The following RALYL variants were observed in gnomAD, a reference collection of about 807,000 sequenced individuals.
RALYL encodes RNA-binding Raly-like protein.
A neutral mutation model predicts 35.1 loss-of-function variants in RALYL; 29 were observed. The ratio of observed to expected loss-of-function variants is 0.83; its 90% confidence interval spans 0.61 to 1.13. The LOEUF is 1.13. Ranked by LOEUF, RALYL falls within the 50% of genes most tolerant of loss-of-function variation. The probability of loss-of-function intolerance (pLI) is 0.00; values close to 1 mark genes in which losing one functional copy is unlikely to be tolerated. For missense variants in RALYL, 359 were observed against 360.4 expected (o/e 1.00, Z 0.03); for synonymous variants, 120 against 127.6 (o/e 0.94, Z 0.40).
intron 2 of RALYL, among the ~76,000 whole-genome samples, chr8:84,573,236 G>A (rs1333538882): frequency 6.6e-6 from 1 of 150,908 alleles, no homozygotes; most frequent in East Asian, 1.9e-4. Flanking sequence ...TTCCTTCTAG[G>A]GTTCTTTTCT....
rs527939787 is a variant in RALYL at position 84,233,535 on chromosome 8, AATT to A, written c.-24+49112_-24+49114del. Among the ~76,000 whole-genome samples, 140 of 152,150 alleles carry A rather than the reference AATT, an allele frequency of 9.2e-4. 1 individual carries two copies. The highest frequency in any genetic ancestry group is 3.1e-3 in the South Asian group (15 of 4,818). ...ACTTGGAATTAATCCTTGCCTTTTA[AATT>A]TGAGATAGCAGAAAGCAAGGACTAG... On this transcript the variant is annotated intron_variant, in intron 1 of 8. Coordinates refer to ENST00000521268, the MANE Select transcript of RALYL (RefSeq NM_173848.7).
chr8:84,510,688 T>C (rs1220251874), intron 1 of RALYL, among the ~76,000 whole-genome samples: 3 of 152,078 alleles, frequency 2.0e-5, no homozygotes, highest in African/African-American at 7.2e-5. Context: ...CACATGCCTG[T>C]AGTCCCAGGT....
intron 1 of RALYL, among the ~76,000 whole-genome samples, chr8:84,418,098 C>T (rs964114040): frequency 8.5e-5 from 13 of 152,202 alleles, no homozygotes; most frequent in African/African-American, 3.1e-4. Context: ...TCTTTATATT[C>T]TGATTTAAGT....
At chr8:84,714,046 A>C (rs897330491) in intron 2 of RALYL, among the ~76,000 whole-genome samples, 57 of 151,514 alleles carry the variant, frequency 3.8e-4, no homozygotes, top group Admixed American at 8.6e-4. Flanking sequence ...ACACACACAC[A>C]CCCCAATGGA....
chr8:84,508,644 A>C (rs192689781), intron 1 of RALYL, among the ~76,000 whole-genome samples: 1 of 152,178 alleles, frequency 6.6e-6, no homozygotes, highest in African/African-American at 2.4e-5. Flanking sequence ...TACTGCACAA[A>C]TTATATACAT....
At chr8:84,658,304 C>T (rs1249612465) in intron 2 of RALYL, among the ~76,000 whole-genome samples, 1 of 152,186 alleles carries the variant, frequency 6.6e-6, no homozygotes, top group East Asian at 1.9e-4. Context: ...AAGTGTGTTT[C>T]TGGCTTCTGG....
At chr8:84,192,906 T>TGGGGGG in intron 1 of RALYL, among the ~76,000 whole-genome samples, 1 of 59,488 alleles carries the variant, frequency 1.7e-5, no homozygotes, top group Non-Finnish European at 3.1e-5. Flanking sequence ...TGTGTGTGTG[T>TGGGGGG]GGGGGGGGGG....
At chr8:84,893,537 T>C (rs1844226673) in intron 8 of RALYL, among the ~76,000 whole-genome samples, 1 of 152,300 alleles carries the variant, frequency 6.6e-6, no homozygotes, top group South Asian at 2.1e-4. Flanking sequence ...CTCAGGTGTA[T>C]GAGAAAAGGC....
At chr8:84,207,960 A>C (rs1334209856) in intron 1 of RALYL, among the ~76,000 whole-genome samples, 1 of 152,134 alleles carries the variant, frequency 6.6e-6, no homozygotes, top group African/African-American at 2.4e-5. Flanking sequence ...TAGAAATTGC[A>C]GTTCGCTCTT....
chr8:84,288,945 A>ATT (rs1838218810), intron 1 of RALYL, among the ~76,000 whole-genome samples: 1 of 152,176 alleles, frequency 6.6e-6, no homozygotes, highest in African/African-American at 2.4e-5. Context: ...TAAAGCTATC[A>ATT]CAATAGGAGA....
At chr8:84,302,171 T>G (rs1320900278) in intron 1 of RALYL, among the ~76,000 whole-genome samples, 1 of 152,162 alleles carries the variant, frequency 6.6e-6, no homozygotes, top group African/African-American at 2.4e-5. Context: ...TTTTCCTCAA[T>G]GTAGGGATTA....
intron 1 of RALYL, among the ~76,000 whole-genome samples, chr8:84,207,331 T>C (rs1818291992): frequency 1.3e-5 from 2 of 151,932 alleles, no homozygotes; most frequent in African/African-American, 2.4e-5. Flanking sequence ...GTATGTTATA[T>C]ATTATGCTGT....
At chr8:84,797,416 G>C (rs1221515282) in intron 3 of RALYL, among the ~76,000 whole-genome samples, 1 of 152,116 alleles carries the variant, frequency 6.6e-6, no homozygotes, top group East Asian at 1.9e-4. Flanking sequence ...CTTATATACT[G>C]TTGTCAAAAT....
At chr8:84,817,475 CA>C (rs1827600331) in intron 4 of RALYL, among the ~76,000 whole-genome samples, 1 of 151,556 alleles carries the variant, frequency 6.6e-6, no homozygotes. Context: ...ATGGCTTTAG[CA>C]ATTTGTTTAA....
chr8:84,589,969 G>A (rs911064406), intron 2 of RALYL, among the ~76,000 whole-genome samples: 2 of 152,186 alleles, frequency 1.3e-5, no homozygotes, highest in Non-Finnish European at 2.9e-5. Flanking sequence ...GAGAAATGAA[G>A]AGGGCATATG....
At chr8:84,864,754 G>T in intron 6 of RALYL, 1 of 598,904 alleles carries the variant, frequency 1.7e-6, no homozygotes, top group Non-Finnish European at 3.2e-6. Flanking sequence ...TGGTTTACAT[G>T]GTAGAAAACA....
chr8:84,210,512 TG>T (rs1426048998), intron 1 of RALYL, among the ~76,000 whole-genome samples: 2 of 151,954 alleles, frequency 1.3e-5, no homozygotes, highest in African/African-American at 4.8e-5. Flanking sequence ...GCTATTGTGA[TG>T]TAATAAATAT....
At chr8:84,226,633 C>T (rs1823945295) in intron 1 of RALYL, among the ~76,000 whole-genome samples, 1 of 152,106 alleles carries the variant, frequency 6.6e-6, no homozygotes, top group Non-Finnish European at 1.5e-5. Flanking sequence ...AGATAATTTA[C>T]ATCTACATCT....
intron 1 of RALYL, among the ~76,000 whole-genome samples, chr8:84,321,432 C>T (rs1844784422): frequency 6.6e-6 from 1 of 152,072 alleles, no homozygotes; most frequent in African/African-American, 2.4e-5. Context: ...GGAGCCATAC[C>T]TGGTAGAGAC....
Sources: allele counts gnomAD v4.1 joint callset (sites outside exome capture counted in the v4.1 genomes callset), GRCh38; gene constraint gnomAD v4.1.1; transcripts MANE v1.5; gene names NCBI Gene and HGNC (gene_info 2026-07-23, HGNC 2026-07-21).